Variants in PTPRD observed in about 807,000 individuals in gnomAD.
PTPRD encodes protein tyrosine phosphatase receptor type D, also known as receptor-type tyrosine-protein phosphatase delta.
Under a neutral mutation model 214.5 loss-of-function variants are expected in PTPRD, and 34 were observed. That is an observed-to-expected ratio of 0.16 (90% CI 0.12 to 0.21). The LOEUF (loss-of-function observed/expected upper bound fraction) is 0.21, where lower values mean the gene tolerates loss of function less well. Ranked by LOEUF, PTPRD falls within the 10% of genes least tolerant of loss-of-function variation. The probability of loss-of-function intolerance (pLI) is 1.00; values close to 1 mark genes in which losing one functional copy is unlikely to be tolerated. For synonymous variants in PTPRD, 1,128 were observed against 845.7 expected (o/e 1.33, Z -5.79); for missense variants, 2,545 against 2,398.7 (o/e 1.06, Z -1.27).
chr9:10,398,102 G>A (rs964398182), intron 2 of PTPRD, among the ~76,000 whole-genome samples: 7 of 151,526 alleles, frequency 4.6e-5, no homozygotes, highest in African/African-American at 1.7e-4. Context: ...CCAGAACCAG[G>A]TGCAGTGGGC....
At chr9:8,674,413 G>A (rs779510441) in intron 12 of PTPRD, among the ~76,000 whole-genome samples, 3 of 127,718 alleles carry the variant, frequency 2.3e-5, no homozygotes, top group South Asian at 2.4e-4. Flanking sequence ...AGCCGGGATC[G>A]CGCCACTGCA....
intron 9 of PTPRD, among the ~76,000 whole-genome samples, chr9:9,280,470 T>C (rs1947288476): frequency 6.6e-6 from 1 of 151,326 alleles, no homozygotes; most frequent in Non-Finnish European, 1.5e-5. Context: ...AATTAGTTAC[T>C]TTTATATACC....
intron 14 of PTPRD, among the ~76,000 whole-genome samples, chr9:8,567,615 T>C (rs2089759705): frequency 1.3e-5 from 2 of 152,208 alleles, no homozygotes; most frequent in Admixed American, 6.5e-5. Context: ...AATAAATGAA[T>C]TCAGTTATAT....
At chr9:8,645,975 T>C (rs2096679140) in intron 12 of PTPRD, among the ~76,000 whole-genome samples, 1 of 151,954 alleles carries the variant, frequency 6.6e-6, no homozygotes, top group Non-Finnish European at 1.5e-5. Flanking sequence ...ATCACTAATA[T>C]GTCTTATCCC....
At chr9:8,436,970 G>T (rs1034648600) in intron 34 of PTPRD, among the ~76,000 whole-genome samples, 2 of 152,208 alleles carry the variant, frequency 1.3e-5, no homozygotes, top group African/African-American at 4.8e-5. Context: ...AATAAGGTTA[G>T]CTAGTGGAAA....
At position 10,457,707 on chromosome 9, in the gene PTPRD, G is replaced by C. The variant is rs189105281; in HGVS notation, c.-599-116690C>G. Among the ~76,000 whole-genome samples, 199 of 152,082 alleles carry C rather than the reference G, an allele frequency of 1.3e-3. 2 individuals are homozygous for C. Among genetic ancestry groups the C allele is most frequent in the African/African-American group, 4.5e-3 (188 of 41,532 alleles). On this transcript the variant is annotated intron_variant, in intron 2 of 45. Transcript: ENST00000381196. ...GGCAATTTTTATTCCCACCAGCAAG[G>C]TATGAGTGTTCCTATTTCTGTTTAT...
intron 5 of PTPRD, among the ~76,000 whole-genome samples, chr9:9,924,558 C>T (rs754786364): frequency 8.6e-5 from 13 of 151,702 alleles, no homozygotes; most frequent in Non-Finnish European, 1.3e-4. Context: ...TTTCCTTGCC[C>T]GAAACACTTT....
intron 10 of PTPRD, among the ~76,000 whole-genome samples, chr9:9,159,034 C>T (rs10124135): frequency 0.059 from 9,050 of 152,152 alleles, 473 homozygotes; most frequent in East Asian, 0.22. Flanking sequence ...ATCTAATAGA[C>T]AAAGTATAGA....
At chr9:9,909,291 T>C (rs1328124780) in intron 5 of PTPRD, among the ~76,000 whole-genome samples, 3 of 151,580 alleles carry the variant, frequency 2.0e-5, no homozygotes, top group African/African-American at 7.3e-5. Context: ...ATGAATGGGA[T>C]TTTAGGTTGA....
At chr9:8,895,555 A>G (rs528457885) in intron 11 of PTPRD, among the ~76,000 whole-genome samples, 1 of 152,300 alleles carries the variant, frequency 6.6e-6, no homozygotes, top group East Asian at 1.9e-4. Flanking sequence ...ACTATGAATA[A>G]ATAAAATCGA....
chr9:9,585,181 T>G (rs2091709845), intron 7 of PTPRD, among the ~76,000 whole-genome samples: 1 of 152,120 alleles, frequency 6.6e-6, no homozygotes, highest in Non-Finnish European at 1.5e-5. Flanking sequence ...TTCCCAGTAC[T>G]TTGAATGTAA....
At chr9:10,560,570 TA>T (rs1453916336) in intron 2 of PTPRD, among the ~76,000 whole-genome samples, 2 of 151,796 alleles carry the variant, frequency 1.3e-5, no homozygotes, top group East Asian at 1.9e-4. Flanking sequence ...ATAAAAACAA[TA>T]AAAAAATAAA....
chr9:10,016,217 G>C (rs1207270092), intron 4 of PTPRD, among the ~76,000 whole-genome samples: 1 of 152,102 alleles, frequency 6.6e-6, no homozygotes. Context: ...AAAAATGCTT[G>C]TTTTTAAAAA....
chr9:9,673,462 T>C (rs2096868595), intron 7 of PTPRD, among the ~76,000 whole-genome samples: 1 of 151,710 alleles, frequency 6.6e-6, no homozygotes, highest in Non-Finnish European at 1.5e-5. Flanking sequence ...AAAATTTCAA[T>C]GAATGGTTAG....
At position 8,980,093 on chromosome 9, in the gene PTPRD, C is replaced by G. The variant is rs188598819; in HGVS notation, c.-104+38604G>C. On this transcript the variant is annotated intron_variant, in intron 11 of 45. Coordinates refer to ENST00000381196, the MANE Select transcript of PTPRD (RefSeq NM_002839.4). ...GCCATTTGCCATAACTTGGATGGAC[C>G]TAAAGGACATTGCATTAAGTGAAAT... 5.9e-5 allele frequency among the ~76,000 whole-genome samples: 9 copies of G among 151,936 alleles called. No homozygotes were observed. In the East Asian group the frequency reaches 1.7e-3, roughly 30 times the overall value.
At chr9:8,664,602 G>C (rs768377464) in intron 12 of PTPRD, among the ~76,000 whole-genome samples, 2 of 152,168 alleles carry the variant, frequency 1.3e-5, no homozygotes, top group Non-Finnish European at 1.5e-5. Flanking sequence ...CTAGTGAGCA[G>C]AGACCACCAG....
chr9:8,543,210 C>T (rs2078946382), intron 14 of PTPRD, among the ~76,000 whole-genome samples: 1 of 152,144 alleles, frequency 6.6e-6, no homozygotes, highest in South Asian at 2.1e-4. Context: ...CCCAGAGCTG[C>T]TCATTTTCGT....
chr9:8,661,051 A>C (rs2097035946), intron 12 of PTPRD, among the ~76,000 whole-genome samples: 1 of 152,066 alleles, frequency 6.6e-6, no homozygotes, highest in Admixed American at 6.6e-5. Flanking sequence ...TCTGAGGCTT[A>C]TTGTTCTCAA....
At chr9:9,921,922 C>G (rs2082659998) in intron 5 of PTPRD, among the ~76,000 whole-genome samples, 1 of 152,028 alleles carries the variant, frequency 6.6e-6, no homozygotes, top group South Asian at 2.1e-4. Context: ...CTGATTATCA[C>G]ATATTCAGTA....
Sources: allele counts gnomAD v4.1 joint callset (sites outside exome capture counted in the v4.1 genomes callset), GRCh38; gene constraint gnomAD v4.1.1; transcripts MANE v1.5; gene names NCBI Gene and HGNC (gene_info 2026-07-23, HGNC 2026-07-21).